The following IL15RA variants were observed in gnomAD, a reference collection of about 807,000 sequenced individuals.
The protein encoded by IL15RA is interleukin 15 receptor subunit alpha.
Under a neutral mutation model 24.2 loss-of-function variants are expected in IL15RA, and 26 were observed. The observed-to-expected ratio is 1.07, with a 90% CI of 0.79 to 1.49. IL15RA has a LOEUF of 1.49. IL15RA is among the 40% of genes most tolerant of loss of function. IL15RA has a pLI of 0.00. For missense variants in IL15RA, 354 were observed against 356.4 expected, an observed-to-expected ratio of 0.99 and a Z score of 0.05; for synonymous variants, 166 against 157.6, an observed-to-expected ratio of 1.05 and a Z score of -0.40.
At chr10:5,957,672 A>G (rs1159990666) in intron 5 of IL15RA, among the ~76,000 whole-genome samples, 2 of 145,014 alleles carry the variant, frequency 1.4e-5, no homozygotes, top group Non-Finnish European at 3.0e-5. Context: ...GCTCACTGCA[A>G]CCTCCCCCTC....
At chr10:5,972,262 C>G (rs1226473852) in intron 1 of IL15RA, among the ~76,000 whole-genome samples, 2 of 152,196 alleles carry the variant, frequency 1.3e-5, no homozygotes, top group Non-Finnish European at 2.9e-5. Context: ...AAGAAGCATT[C>G]AAATCACATC....
Position 5,958,844 on chromosome 10 carries a change from T to G in IL15RA, c.616+910A>C, listed in dbSNP as rs911461117. Reference sequence around the variant, plus strand: ...TTATGAACAGAAGATTAAAATAATTTTTGTCCATATCAAATTACAGTTGGG... The same window carrying G: ...TTATGAACAGAAGATTAAAATAATTGTTGTCCATATCAAATTACAGTTGGG... On this transcript the variant is annotated intron_variant, in intron 5 of 6. Coordinates refer to ENST00000379977, the MANE Select transcript of IL15RA (RefSeq NM_002189.4). This position sits in a 1 kb window ranked among gnomAD's most constrained non-coding sequence, Gnocchi z 4.3. 7.2e-5 allele frequency among the ~76,000 whole-genome samples: 11 copies of G among 152,172 alleles called. No homozygotes were observed. The highest frequency in any genetic ancestry group is 2.7e-4 in the African/African-American group (11 of 41,434).
At chr10:5,969,680 C>T (rs1436315629) in intron 1 of IL15RA, among the ~76,000 whole-genome samples, 1 of 152,184 alleles carries the variant, frequency 6.6e-6, no homozygotes, top group East Asian at 1.9e-4. Context: ...ATTTAACAAA[C>T]AGTGTATCAA....
At chr10:5,972,626 G>T (rs1217147395) in intron 1 of IL15RA, among the ~76,000 whole-genome samples, 1 of 151,980 alleles carries the variant, frequency 6.6e-6, no homozygotes, top group Non-Finnish European at 1.5e-5. Context: ...AATAAGAAAG[G>T]GCAGACAACT....
In IL15RA at chr10:5,962,978, C is replaced by T. The variant is rs1835857353; in HGVS notation, c.382+765G>A. Among the ~76,000 whole-genome samples, 1 of 152,252 alleles carries T rather than the reference C, an allele frequency of 6.6e-6. No homozygotes were observed. Among genetic ancestry groups the T allele is most frequent in the Non-Finnish European group, 1.5e-5 (1 of 68,044 alleles). On this transcript the variant is annotated intron_variant, in intron 3 of 6. Coordinates refer to ENST00000379977, the MANE Select transcript of IL15RA (RefSeq NM_002189.4). This position sits in a 1 kb window ranked among gnomAD's most constrained non-coding sequence, Gnocchi z 5.2. ...AAAGACTCTGTTGAAACACAGGACA[C>T]TGGCAGCTTCAGGCAGCGCCTCTAT...
In IL15RA at chr10:5,963,834, A is replaced by G; in HGVS notation, c.291T>C (p.Pro97=). The G allele has an allele frequency of 6.4e-7, 1 of 1,559,168 alleles. No homozygotes were observed. The highest frequency in any genetic ancestry group is 8.6e-7 in the Non-Finnish European group (1 of 1,159,894). Residue 97 remains proline (P), a synonymous_variant, in exon 3 of 7, where the codon CCT becomes CCC. Transcript: ENST00000379977. This position sits in a 1 kb window ranked among gnomAD's most constrained non-coding sequence, Gnocchi z 5.3. The part of the protein sequence containing the change: ...TTPSLKCIRD[P]ALVHQRPAPP... ...GCGCTGGCCTTTGGTGAACCAGGGCAGGGTCTCCTAGAGAGAGGATAACCA... is the reference window on the plus strand; with the variant it reads ...GCGCTGGCCTTTGGTGAACCAGGGCGGGGTCTCCTAGAGAGAGGATAACCA...
Position 5,960,761 on chromosome 10 carries a change from G to A in IL15RA, c.383-194C>T, listed in dbSNP as rs890529504. On this transcript the variant is annotated intron_variant, in intron 3 of 6. Coordinates refer to ENST00000379977, the MANE Select transcript of IL15RA (RefSeq NM_002189.4). This position sits in a 1 kb window ranked among gnomAD's most constrained non-coding sequence, Gnocchi z 5.1. The stretch of plus-strand genomic sequence containing the variant: ...CCATAGGACCTGTGAAAACACTAAA[G>A]AACATGGCTACTATCACGGCACGTA... Among the ~76,000 whole-genome samples the A allele has an allele frequency of 6.6e-6, 1 of 152,148 alleles. No individual in the cohort carries two copies. Among genetic ancestry groups the A allele is most frequent in the African/African-American group, 2.4e-5 (1 of 41,438 alleles).
rs1017167468 is a variant in IL15RA, at chr10:5,964,486, C to T, written c.284-645G>A. Among the ~76,000 whole-genome samples the T allele has an allele frequency of 7.9e-5, 12 of 151,992 alleles. No individual in the cohort carries two copies. The highest frequency in any genetic ancestry group is 2.9e-4 in the African/African-American group (12 of 41,374). On this transcript the variant is annotated intron_variant, in intron 2 of 6. Transcript: ENST00000379977. This position sits in a 1 kb window ranked among gnomAD's most constrained non-coding sequence, Gnocchi z 5.6. ...CCTGGCTTACATTTCACTTGTTGAG[C>T]AGGAAAAAAGTCATTCAAAGCACAA...
At position 5,966,231 on chromosome 10, in the gene IL15RA, T is replaced by G. The variant is rs745895660; in HGVS notation, c.197A>C (p.Lys66Thr). 3 of 1,614,142 alleles carry G rather than the reference T, an allele frequency of 1.9e-6. No individual in the cohort carries two copies. The South Asian group carries it at 3.3e-5, about 18-fold the overall frequency. The part of the protein sequence containing the change: ...RYICNSGFKR[K>T]AGTSSLTECV... ...CTCCGTCAGGCTGGACGTGCCGGCT[T>G]TACGCTTGAAACCAGAGTTACAAAT... The change falls in exon 2 of 7, where the codon AAA (lysine) becomes ACA (threonine). Residue 66 changes from lysine to threonine, a missense_variant. Physicochemically the swap from Lys to Thr is moderately conservative, Grantham distance 78. Coordinates refer to ENST00000379977, the MANE Select transcript of IL15RA (RefSeq NM_002189.4). The surrounding 1 kb of genome is among the most constrained non-coding windows in gnomAD (Gnocchi z 6.4).
At chr10:5,950,650 C>A (rs547898987), downstream of IL15RA, 2 of 152,324 alleles carry the variant, frequency 1.3e-5, no homozygotes, top group Non-Finnish European at 2.9e-5. The surrounding 1 kb of genome is among the most constrained non-coding windows in gnomAD (Gnocchi z 5.6). Flanking sequence ...TGACTCGCTT[C>A]GACGGATAGA....
Position 5,953,188 on chromosome 10 carries a change from G to A in IL15RA, c.711C>T (p.Ala237=). 6.2e-7 allele frequency: 1 copy of A among 1,614,094 alleles called. No individual in the cohort carries two copies. The highest frequency in any genetic ancestry group is 8.5e-7 in the Non-Finnish European group (1 of 1,179,886). Residue 237 remains alanine (A), a synonymous_variant, in exon 7 of 7, where the codon GCC becomes GCT. Transcript: ENST00000379977. The surrounding 1 kb of genome is among the most constrained non-coding windows in gnomAD (Gnocchi z 5.3). ...CCTCCATGGCTTCCATTTCAACGCT[G>A]GCCAGCGGGGGAGTTTGCCTGCAAA... ...YLKSRQTPPL[A]SVEMEAMEAL...
In IL15RA at chr10:5,960,266, T is replaced by C; in HGVS notation, c.583+101A>G. On this transcript the variant is annotated intron_variant, in intron 4 of 6. Coordinates refer to ENST00000379977, the MANE Select transcript of IL15RA (RefSeq NM_002189.4). This position sits in a 1 kb window ranked among gnomAD's most constrained non-coding sequence, Gnocchi z 5.1. ...AGCAGGCTGCCCAGTGAATCCTGAC[T>C]TTGGATTGATGGTATAAAGCTGCCT... 2.7e-6 allele frequency: 3 copies of C among 1,114,064 alleles called. No homozygotes were observed. The highest frequency in any genetic ancestry group is 4.0e-6 in the Non-Finnish European group (3 of 741,082). 69.0% of individuals were successfully genotyped at this position (1,114,064 alleles called of 1,614,324 possible). A position where few individuals can be genotyped will look rare whatever the true frequency, so the allele number is the denominator to read the frequency against.
downstream of IL15RA, chr10:5,949,229 T>G (rs1646928266): frequency 2.1e-6 from 1 of 471,104 alleles, no homozygotes; most frequent in Non-Finnish European, 4.4e-6. The surrounding 1 kb of genome is among the most constrained non-coding windows in gnomAD (Gnocchi z 4.4). Flanking sequence ...GTATGTCACT[T>G]TTCTCTGTGA....
chr10:5,949,310 C>T (rs1238240550), downstream of IL15RA: 2 of 471,208 alleles, frequency 4.2e-6, no homozygotes, highest in Admixed American at 2.3e-5. This position sits in a 1 kb window ranked among gnomAD's most constrained non-coding sequence, Gnocchi z 4.4. Flanking sequence ...TAGCTAAGAA[C>T]AGCACCACTA....
At position 5,965,058 on chromosome 10, in the gene IL15RA, A is replaced by T. The variant is rs1292361574; in HGVS notation, c.283+1087T>A. Reference sequence around the variant, plus strand: ...TCTGTCCCCTGCTGCAGAGGGCGTGAGCTATGGGGCCGCTCCATGCAGGGG... The same window carrying T: ...TCTGTCCCCTGCTGCAGAGGGCGTGTGCTATGGGGCCGCTCCATGCAGGGG... On this transcript the variant is annotated intron_variant, in intron 2 of 6. Transcript: ENST00000379977. This position sits in a 1 kb window ranked among gnomAD's most constrained non-coding sequence, Gnocchi z 5.8. Among the ~76,000 whole-genome samples the T allele has an allele frequency of 6.6e-6, 1 of 151,998 alleles. No individual in the cohort carries two copies. Among genetic ancestry groups the T allele is most frequent in the Non-Finnish European group, 1.5e-5 (1 of 67,990 alleles).
chr10:5,950,955 C>T (rs1367286970), downstream of IL15RA: 1 of 152,010 alleles, frequency 6.6e-6, no homozygotes, highest in African/African-American at 2.4e-5. This position sits in a 1 kb window ranked among gnomAD's most constrained non-coding sequence, Gnocchi z 5.6. Flanking sequence ...TCCTGGCCAT[C>T]ATGGCAAAAC....
intron 5 of IL15RA, 128 bp from the exon 6 acceptor site, chr10:5,956,582 T>C (rs1242191178): frequency 7.2e-6 from 5 of 698,446 alleles, no homozygotes; most frequent in South Asian, 1.6e-5. Flanking sequence ...GCTAAGGACA[T>C]TTCTTAAGGT....
chr10:5,968,631 T>C lies in IL15RA; in HGVS notation c.89-2292A>G, dbSNP rs1352313939. Reference sequence around the variant, plus strand: ...ACTGGCTTTGAGGCCTCTGGTGCTATCTGGTGCTGGAGTGTCAGAGGCTTT... The same window carrying C: ...ACTGGCTTTGAGGCCTCTGGTGCTACCTGGTGCTGGAGTGTCAGAGGCTTT... On this transcript the variant is annotated intron_variant, in intron 1 of 6. Transcript: ENST00000379977. The surrounding 1 kb of genome is among the most constrained non-coding windows in gnomAD (Gnocchi z 5.4). 3.3e-6 allele frequency: 2 copies of C among 614,054 alleles called. No homozygotes were observed. Among genetic ancestry groups the C allele is most frequent in the Non-Finnish European group, 5.9e-6 (2 of 341,596 alleles). 38.0% of individuals were successfully genotyped at this position (614,054 alleles called of 1,614,324 possible).
At position 5,953,118 on chromosome 10, in the gene IL15RA, C is replaced by A; in HGVS notation, c.781G>T (p.Glu261Ter). Residue 261 changes from glutamate (E) to a stop codon, truncating the protein, a stop_gained, in exon 7 of 7, where the codon GAA becomes TAA. Transcript: ENST00000379977. LOFTEE classifies it low-confidence loss of function (END_TRUNC). This position sits in a 1 kb window ranked among gnomAD's most constrained non-coding sequence, Gnocchi z 5.3. ...WGTSSRDEDL[E>*]NCSHHL is the part of the protein sequence containing the mutation. ...TTTCATAGGTGGTGAGAGCAGTTTT[C>A]CAAGTCTTCATCTCTGCTGCTGGTC... 1 of 1,614,028 alleles carries A rather than the reference C, an allele frequency of 6.2e-7. No homozygotes were observed.
Sources: gnomAD v4.1 joint callset for allele counts (sites outside exome capture counted in the v4.1 genomes callset) on GRCh38, gnomAD v4.1.1 for gene constraint, Gnocchi (gnomAD v3.1) non-coding constraint, MANE v1.5 for transcripts, NCBI Gene and HGNC (gene_info 2026-07-23, HGNC 2026-07-21) for gene names.